USP53: variants seen among roughly 807,000 people sequenced by gnomAD.
USP53 encodes ubiquitin carboxyl-terminal hydrolase 53.
Under a neutral mutation model 94.9 loss-of-function variants are expected in USP53, and 71 were observed. The ratio of observed to expected loss-of-function variants is 0.75; its 90% CI spans 0.62 to 0.91. The LOEUF (loss-of-function observed/expected upper bound fraction) is 0.91. Among genes scored for constraint, USP53 ranks in the 40% least tolerant of loss-of-function variants. The probability of loss-of-function intolerance (pLI) is 0.00; values close to 1 mark genes in which losing one functional copy is unlikely to be tolerated. For synonymous variants in USP53, 375 were observed against 422.7 expected, an observed-to-expected ratio of 0.89 and a Z score of 1.39; for missense variants, 1,173 against 1,281.0, an observed-to-expected ratio of 0.92 and a Z score of 1.29.
rs759258614 is a variant in USP53 at position 119,271,425 on chromosome 4, T to C, written c.1565T>C (p.Val522Ala). The C allele has an allele frequency of 1.9e-5, 30 of 1,613,942 alleles. No homozygotes were observed. Among genetic ancestry groups the C allele is most frequent in the Non-Finnish European group, 2.0e-5 (24 of 1,180,016 alleles). ...GKGSYKHDRV[V>A]PQSRASAQII... ...GGATCATATAAACATGACCGAGTTG[T>C]ACCTCAGAGTCGAGCTTCTGCACAA... The change falls in exon 16 of 19, where the codon GTA becomes GCA. Residue 522 changes from valine (V) to alanine (A), a missense_variant. Physicochemically the swap from Val to Ala is moderately conservative, Grantham distance 64 (BLOSUM62 0). Transcript: ENST00000692078.
chr4:119,267,600 A>G, intron 13 of USP53, 118 bp downstream of exon 13: 1 of 1,170,816 alleles, frequency 8.5e-7, no homozygotes, highest in Non-Finnish European at 1.1e-6. Flanking sequence ...CTTTCAGTAG[A>G]GCTGAGGAAA....
chr4:119,240,280 T>C (rs1747344953), intron 5 of USP53, among the ~76,000 whole-genome samples: 1 of 152,136 alleles, frequency 6.6e-6, no homozygotes, highest in African/African-American at 2.4e-5. Context: ...CTGCTTGTAT[T>C]GAGATAAGAA....
intron 16 of USP53, chr4:119,273,331 G>T: frequency 2.4e-5 from 4 of 166,170 alleles, no homozygotes; most frequent in East Asian, 1.5e-4. Flanking sequence ...AAAAAAAAAA[G>T]ACTTGACAAG....
Position 119,256,277 on chromosome 4 carries a change from T to C in USP53, c.404T>C (p.Ile135Thr), listed in dbSNP as rs766993406. 4 of 1,613,242 alleles carry C rather than the reference T, an allele frequency of 2.5e-6. No homozygotes were observed. The highest frequency in any genetic ancestry group is 3.4e-6 in the Non-Finnish European group (4 of 1,179,780). ...ENMLERIHFH[I>T]VPSRDADMCT... The stretch of plus-strand genomic sequence containing the variant: ...ATGTTGGAGAGGATTCATTTTCACA[T>C]AGTGCCAAGCAGAGATGCAGACATG... Residue 135 changes from isoleucine to threonine, a missense_variant, in exon 8 of 19, where the codon ATA (isoleucine) becomes ACA (threonine). Ile to Thr is a moderately conservative substitution (Grantham distance 89, BLOSUM62 -1). Transcript: ENST00000692078.
intron 4 of USP53, among the ~76,000 whole-genome samples, chr4:119,238,408 C>T (rs1003913700): frequency 3.5e-4 from 53 of 152,300 alleles, no homozygotes; most frequent in African/African-American, 1.3e-3. Flanking sequence ...AGTCAGAATA[C>T]ACACATTCAT....
At chr4:119,229,469 A>T (rs934994435) in intron 3 of USP53, among the ~76,000 whole-genome samples, 1 of 152,188 alleles carries the variant, frequency 6.6e-6, no homozygotes, top group Non-Finnish European at 1.5e-5. Flanking sequence ...GTAGAAACTC[A>T]TTCATTTTAT....
At chr4:119,264,841 G>A (rs549250570) in intron 12 of USP53, among the ~76,000 whole-genome samples, 14 of 152,256 alleles carry the variant, frequency 9.2e-5, no homozygotes, top group African/African-American at 2.9e-4. Flanking sequence ...CATGTAAAAC[G>A]TGTACTTGAA....
chr4:119,245,218 G>C, intron 5 of USP53, 119 bp from the exon 6 acceptor site: 2 of 779,216 alleles, frequency 2.6e-6, no homozygotes, highest in South Asian at 3.3e-5. Flanking sequence ...TTATGTACAG[G>C]CAATTAAAAG....
Position 119,292,579 on chromosome 4 carries a change from T to C in USP53, c.2590T>C (p.Ser864Pro). 1.2e-6 allele frequency: 2 copies of C among 1,614,070 alleles called. No individual in the cohort carries two copies. The highest frequency in any genetic ancestry group is 1.3e-5 in the African/African-American group (1 of 75,056). The change falls in exon 19 of 19, where the codon TCT (serine) becomes CCT (proline). Residue 864 changes from serine (S) to proline (P), a missense_variant. Transcript: ENST00000692078. ...VNSNEPSSLW[S>P]SHLRTVGLKP... is the part of the protein sequence containing the mutation. ...CAGTAATGAACCATCTTCATTATGG[T>C]CTTCACACCTAAGAACTGTTGGGTT...
rs1330523328 is a variant in USP53, at chr4:119,261,926, A to T, written c.972+62A>T. On this transcript the variant is annotated intron_variant, in intron 12 of 18. Transcript: ENST00000692078. Reference sequence around the variant, plus strand: ...GATTTTTACTTTTTGTTAATAAATGATATATTGATATTAATATTCAAAAGG... The same window carrying T: ...GATTTTTACTTTTTGTTAATAAATGTTATATTGATATTAATATTCAAAAGG... 10 of 1,235,932 alleles carry T rather than the reference A, an allele frequency of 8.1e-6. No homozygotes were observed. In the East Asian group the frequency reaches 2.2e-4, roughly 28 times the overall value. 76.6% of individuals were successfully genotyped at this position (1,235,932 alleles called of 1,614,324 possible). A position where few individuals can be genotyped will look rare whatever the true frequency, so the allele number is the denominator to read the frequency against.
chr4:119,225,797 T>G (rs1745171416), intron 3 of USP53, among the ~76,000 whole-genome samples: 1 of 151,546 alleles, frequency 6.6e-6, no homozygotes, highest in Non-Finnish European at 1.5e-5. Flanking sequence ...CAGACAAAGA[T>G]ATCACAAGAA....
intron 13 of USP53, 130 bp downstream of exon 13, chr4:119,267,612 T>A: frequency 9.3e-7 from 1 of 1,078,154 alleles, no homozygotes; most frequent in Non-Finnish European, 1.3e-6. Context: ...CTGAGGAAAT[T>A]TTAGTAATTT....
chr4:119,246,351 C>T (rs534169633), intron 6 of USP53, among the ~76,000 whole-genome samples: 1 of 152,158 alleles, frequency 6.6e-6, no homozygotes, highest in Non-Finnish European at 1.5e-5. Context: ...AGTGAGCCAC[C>T]ATGATGAGGA....
intron 2 of USP53, among the ~76,000 whole-genome samples, chr4:119,215,736 C>A (rs1483197378): frequency 6.6e-6 from 1 of 152,094 alleles, no homozygotes; most frequent in Non-Finnish European, 1.5e-5. Context: ...GGCTACAAAC[C>A]ATTGCATCTG....
At chr4:119,240,758 T>C (rs1747416730) in intron 5 of USP53, among the ~76,000 whole-genome samples, 1 of 152,208 alleles carries the variant, frequency 6.6e-6, no homozygotes, top group Non-Finnish European at 1.5e-5. Flanking sequence ...CTCAGAGCTG[T>C]ATTCTCAGTT....
At position 119,292,701 on chromosome 4, in the gene USP53, C is replaced by T. The variant is rs771849087; in HGVS notation, c.2712C>T (p.Ala904=). Residue 904 remains alanine, a synonymous_variant, in exon 19 of 19, where the codon GCC becomes GCT. Coordinates refer to ENST00000692078, the MANE Select transcript of USP53 (RefSeq NM_001371395.1). ...CCACAGAATGTATAATTCGGTCAGC[C>T]AGCAGATCTGATGGGTGTCAGATGC... is the stretch of plus-strand genomic sequence containing the variant. The part of the protein sequence containing the change: ...SLSTECIIRS[A]SRSDGCQMPK... 79 of 1,614,048 alleles carry T rather than the reference C, an allele frequency of 4.9e-5. No homozygotes were observed. In the Middle Eastern group the frequency reaches 1.5e-3, roughly 30 times the overall value.
intron 4 of USP53, among the ~76,000 whole-genome samples, chr4:119,238,074 C>T (rs1747021022): frequency 6.6e-6 from 1 of 152,208 alleles, no homozygotes. Flanking sequence ...GGGAGTTTCA[C>T]TTTCTTATCA....
At chr4:119,229,092 T>G (rs937621179) in intron 3 of USP53, among the ~76,000 whole-genome samples, 2 of 152,182 alleles carry the variant, frequency 1.3e-5, no homozygotes, top group Non-Finnish European at 2.9e-5. Flanking sequence ...CTGAATGGTC[T>G]TAGCAACATC....
rs1049603108 is a variant in USP53 at position 119,260,533 on chromosome 4, T to G, written c.702T>G (p.Ile234Met). 1.9e-6 allele frequency: 3 copies of G among 1,613,828 alleles called. No homozygotes were observed. The highest frequency in any genetic ancestry group is 2.5e-6 in the Non-Finnish European group (3 of 1,179,858). ...GTAACTGTGGCCAAAAAATAAAAAT[T>G]CGCCGTGTTTTAATGAATTGCCCAG... ...CPSNCGQKIK[I>M]RRVLMNCPEI... is the part of the protein sequence containing the mutation. Residue 234 changes from isoleucine to methionine, a missense_variant, in exon 11 of 19, where the codon ATT becomes ATG. Transcript: ENST00000692078.
Sources: allele counts gnomAD v4.1 joint callset (sites outside exome capture counted in the v4.1 genomes callset), GRCh38; gene constraint gnomAD v4.1.1; transcripts MANE v1.5; gene names NCBI Gene and HGNC (gene_info 2026-07-23, HGNC 2026-07-21).